SEMA5A: variants seen among roughly 807,000 people sequenced by gnomAD.
The protein encoded by SEMA5A is semaphorin 5A, also known as semaphorin-5A.
A neutral mutation model predicts 135.5 loss-of-function variants in SEMA5A; 55 were observed. The observed-to-expected ratio is 0.41, with a 90% CI of 0.33 to 0.51. The LOEUF (loss-of-function observed/expected upper bound fraction) is 0.51, where lower values mean the gene tolerates loss of function less well. Among genes scored for constraint, SEMA5A ranks in the 20% least tolerant of loss-of-function variants. SEMA5A has a pLI of 0.37. For synonymous variants in SEMA5A, 580 were observed against 546.5 expected (o/e 1.06, Z -0.85); for missense variants, 1,290 against 1,419.9 (o/e 0.91, Z 1.47).
chr5:9,390,635 A>G (rs1448390249), intron 2 of SEMA5A, among the ~76,000 whole-genome samples: 1 of 152,170 alleles, frequency 6.6e-6, no homozygotes, highest in Non-Finnish European at 1.5e-5. Flanking sequence ...AGACATGTCA[A>G]TGCCGATACC....
chr5:9,216,977 A>T (rs1331767541), intron 8 of SEMA5A, among the ~76,000 whole-genome samples: 1 of 152,170 alleles, frequency 6.6e-6, no homozygotes, highest in Non-Finnish European at 1.5e-5. Flanking sequence ...TAGCCTGTTT[A>T]CATTCAAGAT....
intron 6 of SEMA5A, among the ~76,000 whole-genome samples, chr5:9,233,481 T>C (rs1205771305): frequency 6.6e-6 from 1 of 151,714 alleles, no homozygotes; most frequent in African/African-American, 2.4e-5. Flanking sequence ...TTTTCCCCCA[T>C]GGAATATTTA....
At chr5:9,258,342 A>C (rs2150507278) in intron 5 of SEMA5A, among the ~76,000 whole-genome samples, 1 of 152,268 alleles carries the variant, frequency 6.6e-6, no homozygotes, top group East Asian at 1.9e-4. Flanking sequence ...GATCAAACTT[A>C]CTTTGTCTTG....
At chr5:9,282,151 G>A (rs1197975622) in intron 5 of SEMA5A, among the ~76,000 whole-genome samples, 1 of 152,178 alleles carries the variant, frequency 6.6e-6, no homozygotes, top group South Asian at 2.1e-4. Context: ...TTCAGTCCTC[G>A]TTTCCTTCCA....
At chr5:9,452,202 C>T (rs1758670273) in intron 1 of SEMA5A, among the ~76,000 whole-genome samples, 1 of 152,146 alleles carries the variant, frequency 6.6e-6, no homozygotes, top group Non-Finnish European at 1.5e-5. Flanking sequence ...GGCTTTGTTC[C>T]CCAAGAACAT....
At chr5:9,136,010 C>G (rs1741718869) in intron 13 of SEMA5A, among the ~76,000 whole-genome samples, 1 of 152,194 alleles carries the variant, frequency 6.6e-6, no homozygotes, top group Non-Finnish European at 1.5e-5. Flanking sequence ...ACTAGGCGGT[C>G]TCTTCCAGAC....
intron 4 of SEMA5A, among the ~76,000 whole-genome samples, chr5:9,323,555 G>A (rs1446554105): frequency 6.6e-6 from 1 of 151,014 alleles, no homozygotes; most frequent in Non-Finnish European, 1.5e-5. Flanking sequence ...TATTTAATGT[G>A]TATATTCATG....
chr5:9,067,072 G>T (rs577230914), intron 16 of SEMA5A, among the ~76,000 whole-genome samples: 31 of 152,182 alleles, frequency 2.0e-4, no homozygotes, highest in Non-Finnish European at 4.1e-4. Flanking sequence ...TAAGACCTGG[G>T]ATCACAGATG....
At chr5:9,495,693 G>A (rs182486276) in intron 1 of SEMA5A, among the ~76,000 whole-genome samples, 108 of 152,266 alleles carry the variant, frequency 7.1e-4, no homozygotes, top group African/African-American at 2.4e-3. Flanking sequence ...CGGGGCCTCC[G>A]GCTCCCACTA....
At chr5:9,175,782 A>G (rs776390334) in intron 11 of SEMA5A, among the ~76,000 whole-genome samples, 2 of 152,252 alleles carry the variant, frequency 1.3e-5, no homozygotes, top group African/African-American at 4.8e-5. Context: ...CAGCCTCGTA[A>G]TTGGAGTCCT....
chr5:9,539,132 G>A (rs550224625), intron 1 of SEMA5A, among the ~76,000 whole-genome samples: 1 of 152,284 alleles, frequency 6.6e-6, no homozygotes, highest in Non-Finnish European at 1.5e-5. Flanking sequence ...CCCACTGCTA[G>A]CCCGAGGCAA....
intron 5 of SEMA5A, among the ~76,000 whole-genome samples, chr5:9,289,165 C>T (rs980730036): frequency 2.6e-5 from 4 of 152,108 alleles, no homozygotes; most frequent in Non-Finnish European, 5.9e-5. Context: ...ATTATAAACA[C>T]ATACAGCTGT....
At chr5:9,066,690 G>A (rs786846) in intron 16 of SEMA5A, 44 bp from the exon 17 acceptor site, 1,226,940 of 1,574,224 alleles carry the variant, frequency 0.78, 479,594 homozygotes, top group East Asian at 0.93. Flanking sequence ...GGGGTAAACA[G>A]AGCAACCTCA....
intron 1 of SEMA5A, among the ~76,000 whole-genome samples, chr5:9,452,921 A>G (rs936279580): frequency 2.0e-5 from 3 of 152,186 alleles, no homozygotes; most frequent in Admixed American, 2.0e-4. Context: ...GACTACTCTG[A>G]GAGGTGCCTC....
chr5:9,532,491 T>C (rs1383045027), intron 1 of SEMA5A, among the ~76,000 whole-genome samples: 2 of 150,654 alleles, frequency 1.3e-5, no homozygotes, highest in African/African-American at 4.9e-5. Flanking sequence ...TTTTGCCATG[T>C]TGGCCAGCCT....
intron 2 of SEMA5A, among the ~76,000 whole-genome samples, chr5:9,392,613 T>C (rs1376939439): frequency 6.6e-6 from 1 of 152,122 alleles, no homozygotes; most frequent in Non-Finnish European, 1.5e-5. Context: ...TAACAGGACT[T>C]AGATTATGAT....
chr5:9,348,110 C>T (rs1274960524), intron 3 of SEMA5A, among the ~76,000 whole-genome samples: 1 of 152,192 alleles, frequency 6.6e-6, no homozygotes, highest in Non-Finnish European at 1.5e-5. Flanking sequence ...CTCAGACCCA[C>T]CTGGCAAGTG....
At chr5:9,435,118 T>A (rs1038567106) in intron 2 of SEMA5A, among the ~76,000 whole-genome samples, 1 of 152,216 alleles carries the variant, frequency 6.6e-6, no homozygotes, top group African/African-American at 2.4e-5. Flanking sequence ...ACTATGTCAA[T>A]CCTGTTCAAA....
Position 9,069,929 on chromosome 5 carries a change from C to A in SEMA5A, c.2074-3283G>T, listed in dbSNP as rs536588881. 4.6e-5 allele frequency among the ~76,000 whole-genome samples: 7 copies of A among 152,258 alleles called. No individual in the cohort carries two copies. In the South Asian group the frequency reaches 1.5e-3, roughly 32 times the overall value. ...ACCACATGACAGGAAAGCCATAAACCCTTGTCTTGGACCCTCTGTGCCTCT... is the reference window on the plus strand; with the variant it reads ...ACCACATGACAGGAAAGCCATAAACACTTGTCTTGGACCCTCTGTGCCTCT... On this transcript the variant is annotated intron_variant, in intron 16 of 22. Coordinates refer to ENST00000382496, the MANE Select transcript of SEMA5A (RefSeq NM_003966.3).
Sources: allele counts gnomAD v4.1 joint callset (sites outside exome capture counted in the v4.1 genomes callset), GRCh38; gene constraint gnomAD v4.1.1; transcripts MANE v1.5; gene names NCBI Gene and HGNC (gene_info 2026-07-23, HGNC 2026-07-21).